Variants in CDKL5 observed in about 807,000 individuals in gnomAD.
CDKL5 encodes the protein cyclin-dependent kinase-like 5.
Under a neutral mutation model 61.7 loss-of-function variants are expected in CDKL5, and 8 were observed. That is an observed-to-expected ratio of 0.13 (90% CI 0.08 to 0.23). CDKL5 has a LOEUF of 0.23. Among genes scored for constraint, CDKL5 ranks in the 10% least tolerant of loss-of-function variants. The pLI is 1.00. For missense variants in CDKL5, 440 were observed against 734.5 expected, an observed-to-expected ratio of 0.60 and a Z score of 4.63; for synonymous variants, 275 against 272.3, an observed-to-expected ratio of 1.01 and a Z score of -0.10.
At position 18,629,544 on chromosome X, in the gene CDKL5, T is replaced by C. The variant is rs1927175403; in HGVS notation, c.*787T>C. ...ACACTATCTGCCATATTTTTATACA[T>C]TTGTGATATGAAGTGAGTATTATAC... On this transcript the variant is annotated 3_prime_UTR_variant, in exon 18 of 18. Transcript: ENST00000623535. 1.4e-6 allele frequency: 1 copy of C among 720,988 alleles called. No homozygotes were observed. Among genetic ancestry groups the C allele is most frequent in the Non-Finnish European group, 1.6e-6 (1 of 610,755 alleles). 59.4% of individuals were successfully genotyped at this position (720,988 alleles called of 1,213,427 possible).
chrX:18,493,622 C>T (rs1212826151), intron 1 of CDKL5, among the ~76,000 whole-genome samples: 1 of 112,022 alleles, frequency 8.9e-6, no homozygotes, highest in South Asian at 3.8e-4. Context: ...TTCTTCAAGT[C>T]TTGGACTTCA....
At chrX:18,510,216 C>T (rs758396477) in intron 2 of CDKL5, among the ~76,000 whole-genome samples, 16 of 111,128 alleles carry the variant, frequency 1.4e-4, no homozygotes, top group South Asian at 3.8e-4. Flanking sequence ...AGTGCAGTGG[C>T]GCGATCTGGA....
intron 1 of CDKL5, among the ~76,000 whole-genome samples, chrX:18,450,871 G>GCCC (rs1931998713): frequency 9.2e-6 from 1 of 108,815 alleles, no homozygotes; most frequent in South Asian, 3.9e-4. Context: ...CACTGTGCCC[G>GCCC]GCCTTTTTTT....
chrX:18,437,617 A>C (rs1393932938), intron 1 of CDKL5, among the ~76,000 whole-genome samples: 1 of 112,279 alleles, frequency 8.9e-6, no homozygotes, highest in Non-Finnish European at 1.9e-5. Context: ...AAATTTTGTT[A>C]CTATTGTATA....
chrX:18,527,405 C>A (rs1398068942), intron 3 of CDKL5, among the ~76,000 whole-genome samples: 2 of 111,468 alleles, frequency 1.8e-5, no homozygotes, highest in Non-Finnish European at 3.8e-5. Flanking sequence ...AATTATTGAT[C>A]AATTTTCATA....
chrX:18,571,210 A>T (rs377668807), intron 4 of CDKL5, among the ~76,000 whole-genome samples: 1 of 111,044 alleles, frequency 9.0e-6, no homozygotes, highest in Non-Finnish European at 1.9e-5. Context: ...TTTTTCTTCC[A>T]CCCATACTAT....
At chrX:18,618,915 G>A (rs1241494979) in intron 15 of CDKL5, among the ~76,000 whole-genome samples, 1 of 111,119 alleles carries the variant, frequency 9.0e-6, no homozygotes, top group Non-Finnish European at 1.9e-5. Flanking sequence ...GTTGCAGTGA[G>A]CCAAAATCGC....
intron 3 of CDKL5, among the ~76,000 whole-genome samples, chrX:18,552,429 G>A (rs1202010524): frequency 9.0e-6 from 1 of 111,691 alleles, no homozygotes; most frequent in Non-Finnish European, 1.9e-5. Flanking sequence ...AATGAGCCAG[G>A]CCAACAGGAT....
Position 18,613,182 on chromosome X carries a change from A to G in CDKL5, c.2183A>G (p.His728Arg), listed in dbSNP as rs1372731939. The G allele has an allele frequency of 1.7e-6, 2 of 1,197,108 alleles. No individual in the cohort carries two copies. The highest frequency in any genetic ancestry group is 3.0e-5 in the East Asian group (1 of 33,021). Residue 728 changes from histidine (H) to arginine (R), a missense_variant, in exon 15 of 18, where the codon CAT becomes CGT. Around this residue, in one of 2 missense-constraint regions of CDKL5, gnomAD observed 363 missense variants for 516.3 expected, o/e 0.70. Transcript: ENST00000623535. ...VPSPRPDNSFHENNVSTRVSS... is the reference protein window; with the variant it reads ...VPSPRPDNSFRENNVSTRVSS... ...TCTCCACGTCCAGACAATTCTTTCC[A>G]TGAAAATAATGTGTCAACTAGAGTT...
intron 1 of CDKL5, among the ~76,000 whole-genome samples, chrX:18,504,369 G>C (rs755820010): frequency 6.3e-5 from 7 of 111,940 alleles, no homozygotes; most frequent in African/African-American, 2.3e-4. Context: ...GCTTCCTAAA[G>C]TGCTGGGATT....
At chrX:18,449,890 G>A (rs1443505510) in intron 1 of CDKL5, among the ~76,000 whole-genome samples, 2 of 109,970 alleles carry the variant, frequency 1.8e-5, no homozygotes, top group Non-Finnish European at 3.8e-5. Context: ...CACCTCCCAT[G>A]TTCAAGCGAT....
intron 3 of CDKL5, among the ~76,000 whole-genome samples, chrX:18,549,981 A>C (rs964352266): frequency 9.0e-6 from 1 of 111,643 alleles, no homozygotes; most frequent in African/African-American, 3.3e-5. Flanking sequence ...TCCCAAAGTT[A>C]CTTCACACTC....
intron 3 of CDKL5, among the ~76,000 whole-genome samples, chrX:18,515,506 C>A (rs1435936242): frequency 9.0e-6 from 1 of 111,238 alleles, no homozygotes. Context: ...ATGAAGGATG[C>A]AGTAGAGAGC....
rs1314140587 is a variant in CDKL5, at chrX:18,635,631, T to C, written c.*6874T>C. On this transcript the variant is annotated 3_prime_UTR_variant, in exon 18 of 18. Coordinates refer to ENST00000623535, the MANE Select transcript of CDKL5 (RefSeq NM_001323289.2). The stretch of plus-strand genomic sequence containing the variant: ...CCTATTTATAAAGCTTTTTTCCCCT[T>C]ACGGCATTTTGAAAACTTTGGTTTG... 1 of 751,064 alleles carries C rather than the reference T, an allele frequency of 1.3e-6. No homozygotes were observed. Among genetic ancestry groups the C allele is most frequent in the Non-Finnish European group, 1.6e-6 (1 of 637,271 alleles). 61.9% of individuals were successfully genotyped at this position (751,064 alleles called of 1,213,427 possible).
intron 1 of CDKL5, among the ~76,000 whole-genome samples, chrX:18,502,203 T>C (rs1378793914): frequency 9.0e-6 from 1 of 111,643 alleles, no homozygotes; most frequent in African/African-American, 3.3e-5. Flanking sequence ...TAGTCTCGTA[T>C]TTTTTCTCCA....
At chrX:18,642,166 T>G (rs142428831), downstream of CDKL5, 1,429 of 1,207,093 alleles carry the variant, frequency 1.2e-3, 14 homozygotes, top group African/African-American at 0.022. Context: ...CCTAGAGAGA[T>G]AGAGGAAATC....
At chrX:18,487,356 C>T (rs1320016540) in intron 1 of CDKL5, among the ~76,000 whole-genome samples, 1 of 112,452 alleles carries the variant, frequency 8.9e-6, no homozygotes, top group Non-Finnish European at 1.9e-5. Context: ...CCGGAGTGCA[C>T]TAGTGATCAT....
At position 18,611,439 on chromosome X, in the gene CDKL5, C is replaced by CAA. The variant is rs1350028134; in HGVS notation, c.2153-1697_2153-1696dup. 3.5e-3 allele frequency among the ~76,000 whole-genome samples: 137 copies of CAA among 39,319 alleles called. 5 individuals are homozygous for CAA. The East Asian group carries it at 0.064, about 18-fold the overall frequency. The allele number at this position is 39,319 out of a possible 115,157, so 34.1% of individuals were successfully genotyped here. On this transcript the variant is annotated intron_variant, in intron 14 of 17. Transcript: ENST00000623535. ...GACAGAGCAAGACTCCGTCTCAAAACAAAAAAAAAAAAAAAAAGAATTTTA... is the reference window on the plus strand; with the variant it reads ...GACAGAGCAAGACTCCGTCTCAAAACAAAAAAAAAAAAAAAAAAAGAATTTTA...
At chrX:18,627,416 C>G (rs1455295090) in intron 17 of CDKL5, 4 of 111,928 alleles carry the variant, frequency 3.6e-5, no homozygotes, top group Admixed American at 2.8e-4. Context: ...GGGTTGTAGC[C>G]CAAGTGGCCA....
Sources: gnomAD v4.1 joint callset for allele counts (sites outside exome capture counted in the v4.1 genomes callset) on GRCh38, gnomAD v4.1.1 for gene constraint, gnomAD v4.1.1 regional missense constraint, MANE v1.5 for transcripts, NCBI Gene and HGNC (gene_info 2026-07-23, HGNC 2026-07-21) for gene names.